The following TRABD2B variants were observed in gnomAD, a reference collection of about 807,000 sequenced individuals.
TRABD2B encodes metalloprotease TIKI2.
TRABD2B carries 14 observed loss-of-function variants against 40.1 expected under a neutral mutation model. The ratio of observed to expected loss-of-function variants is 0.35; its 90% CI spans 0.23 to 0.55. The LOEUF is 0.55. Among genes scored for constraint, TRABD2B ranks in the 20% least tolerant of loss-of-function variants. The pLI is 0.90. For missense variants in TRABD2B, 541 were observed against 648.6 expected (o/e 0.83, Z 1.80); for synonymous variants, 263 against 277.0 (o/e 0.95, Z 0.50).
intron 2 of TRABD2B, among the ~76,000 whole-genome samples, chr1:47,871,976 G>A (rs967432113): frequency 2.0e-5 from 3 of 152,190 alleles, no homozygotes; most frequent in African/African-American, 7.2e-5. Flanking sequence ...GGATATCTGG[G>A]ATATGAGTCA....
At chr1:47,931,858 T>C (rs970039205) in intron 2 of TRABD2B, among the ~76,000 whole-genome samples, 1 of 152,160 alleles carries the variant, frequency 6.6e-6, no homozygotes, top group Non-Finnish European at 1.5e-5. Flanking sequence ...CGGCAATAGA[T>C]AACCCCAACA....
intron 2 of TRABD2B, among the ~76,000 whole-genome samples, chr1:47,950,571 C>T (rs1645327830): frequency 6.6e-6 from 1 of 152,180 alleles, no homozygotes; most frequent in Non-Finnish European, 1.5e-5. Flanking sequence ...AGAAGGAAAA[C>T]AGGGGCCAGG....
chr1:47,981,049 C>T (rs2148442342), intron 2 of TRABD2B, among the ~76,000 whole-genome samples: 1 of 152,072 alleles, frequency 6.6e-6, no homozygotes, highest in Non-Finnish European at 1.5e-5. Flanking sequence ...TGCTCTGTCG[C>T]CCAGGCTGGA....
chr1:47,820,619 C>G (rs1228049343), intron 2 of TRABD2B, among the ~76,000 whole-genome samples: 1 of 152,116 alleles, frequency 6.6e-6, no homozygotes, highest in African/African-American at 2.4e-5. Context: ...CTGCTTTTTT[C>G]CCCAGCCAGC....
At chr1:47,791,162 G>T (rs1475565916) in intron 4 of TRABD2B, among the ~76,000 whole-genome samples, 1 of 152,196 alleles carries the variant, frequency 6.6e-6, no homozygotes, top group African/African-American at 2.4e-5. Flanking sequence ...TCGGGGTTGG[G>T]TCCTAACAAG....
At chr1:47,885,559 C>T (rs1227863210) in intron 2 of TRABD2B, among the ~76,000 whole-genome samples, 1 of 152,100 alleles carries the variant, frequency 6.6e-6, no homozygotes, top group African/African-American at 2.4e-5. Flanking sequence ...GGCAGGGGAC[C>T]GTGATTTAAC....
chr1:47,834,894 A>G (rs933557101), intron 2 of TRABD2B, among the ~76,000 whole-genome samples: 3 of 152,176 alleles, frequency 2.0e-5, no homozygotes, highest in African/African-American at 7.2e-5. Flanking sequence ...ACAAGAAACT[A>G]TGAGCCATAA....
chr1:47,997,221 G>C lies in TRABD2B; in HGVS notation c.-432C>G. ...GGTCCCAGGGGTGCGCGGCGCTCCA[G>C]GAGGCGCGCAGTGGGACAAGTGCGG... On this transcript the variant is annotated 5_prime_UTR_variant, in exon 1 of 7. Transcript: ENST00000606738. 1.0e-6 allele frequency: 1 copy of C among 983,144 alleles called. No individual in the cohort carries two copies. The highest frequency in any genetic ancestry group is 1.2e-6 in the Non-Finnish European group (1 of 829,126). The allele number at this position is 983,144 out of a possible 1,614,324, so 60.9% of individuals were successfully genotyped here.
At chr1:47,939,476 T>G (rs1218911501) in intron 2 of TRABD2B, among the ~76,000 whole-genome samples, 1 of 152,216 alleles carries the variant, frequency 6.6e-6, no homozygotes, top group Non-Finnish European at 1.5e-5. Flanking sequence ...CTTACAGTTA[T>G]GCAGGATTGC....
intron 4 of TRABD2B, among the ~76,000 whole-genome samples, chr1:47,780,888 G>A (rs769792727): frequency 2.6e-5 from 4 of 152,318 alleles, no homozygotes; most frequent in East Asian, 1.9e-4. Context: ...ATTCTGCCCC[G>A]CAGCCTGTGA....
chr1:47,787,989 G>A (rs2124169494), intron 4 of TRABD2B, among the ~76,000 whole-genome samples: 1 of 152,180 alleles, frequency 6.6e-6, no homozygotes, highest in African/African-American at 2.4e-5. Context: ...GATTTTTTAG[G>A]GATCAGGATG....
intron 2 of TRABD2B, among the ~76,000 whole-genome samples, chr1:47,973,155 A>T (rs887647476): frequency 6.6e-6 from 1 of 152,252 alleles, no homozygotes; most frequent in Non-Finnish European, 1.5e-5. Context: ...TGGGATAGGA[A>T]AAAATAAATT....
intron 2 of TRABD2B, among the ~76,000 whole-genome samples, chr1:47,869,617 T>C (rs1470277387): frequency 6.6e-6 from 1 of 152,184 alleles, no homozygotes; most frequent in Admixed American, 6.5e-5. Flanking sequence ...TGACCAGTTC[T>C]TGGCCAGGGT....
intron 2 of TRABD2B, among the ~76,000 whole-genome samples, chr1:47,965,937 C>T (rs1374471273): frequency 1.3e-5 from 2 of 152,158 alleles, no homozygotes; most frequent in African/African-American, 4.8e-5. Flanking sequence ...TATTTTGCAG[C>T]AGACACCCCT....
At chr1:47,826,231 A>G (rs1645172238) in intron 2 of TRABD2B, among the ~76,000 whole-genome samples, 1 of 152,090 alleles carries the variant, frequency 6.6e-6, no homozygotes, top group Non-Finnish European at 1.5e-5. Flanking sequence ...AAGGAGAAAT[A>G]CCTATCTTTC....
rs192138202 is a variant in TRABD2B, at chr1:47,973,826, G to A, written c.666+20208C>T. ...TTACATTTAAAAATTTAATTAGGCC[G>A]GGGCCGGTGACTCACACCTATAATC... is the stretch of plus-strand genomic sequence containing the variant. On this transcript the variant is annotated intron_variant, in intron 2 of 6. Coordinates refer to ENST00000606738, the MANE Select transcript of TRABD2B (RefSeq NM_001194986.2). Among the ~76,000 whole-genome samples, 12 of 152,282 alleles carry A rather than the reference G, an allele frequency of 7.9e-5. No homozygotes were observed. The East Asian group carries it at 1.4e-3, about 17-fold the overall frequency.
At chr1:47,952,597 C>T (rs549939043) in intron 2 of TRABD2B, among the ~76,000 whole-genome samples, 2 of 152,294 alleles carry the variant, frequency 1.3e-5, no homozygotes, top group South Asian at 4.1e-4. Context: ...TCGAAGGCCT[C>T]GAGCACACCT....
At chr1:47,798,161 C>A (rs534180916) in intron 3 of TRABD2B, among the ~76,000 whole-genome samples, 39 of 152,240 alleles carry the variant, frequency 2.6e-4, no homozygotes, top group Non-Finnish European at 4.4e-4. Flanking sequence ...CACAAGAACA[C>A]TGATGGATAT....
chr1:47,783,785 G>A (rs1018269281), intron 4 of TRABD2B, among the ~76,000 whole-genome samples: 12 of 152,210 alleles, frequency 7.9e-5, no homozygotes, highest in South Asian at 4.1e-4. Flanking sequence ...GATCTACCCC[G>A]CCTCCCATCA....
Sources: allele counts gnomAD v4.1 joint callset (sites outside exome capture counted in the v4.1 genomes callset), GRCh38; gene constraint gnomAD v4.1.1; transcripts MANE v1.5; gene names NCBI Gene and HGNC (gene_info 2026-07-23, HGNC 2026-07-21).